Variants in ITK observed in about 807,000 individuals in gnomAD.
ITK encodes the protein tyrosine-protein kinase ITK/TSK.
A neutral mutation model predicts 87.6 loss-of-function variants in ITK; 45 were observed. The observed-to-expected ratio is 0.51, with a 90% confidence interval of 0.40 to 0.66. The LOEUF (loss-of-function observed/expected upper bound fraction) is 0.66, where lower values mean the gene tolerates loss of function less well. Ranked by LOEUF, ITK falls within the 30% of genes least tolerant of loss-of-function variation. The pLI is 0.00. For synonymous variants in ITK, 303 were observed against 273.6 expected (o/e 1.11, Z -1.06); for missense variants, 605 against 766.3 (o/e 0.79, Z 2.48).
At chr5:157,233,173 G>T (rs577700701) in intron 8 of ITK, among the ~76,000 whole-genome samples, 1 of 152,082 alleles carries the variant, frequency 6.6e-6, no homozygotes, top group Admixed American at 6.6e-5. Flanking sequence ...TCTGGGCCTC[G>T]GTTTCTCAGT....
At chr5:157,191,972 T>G (rs1412028096) in intron 1 of ITK, among the ~76,000 whole-genome samples, 2 of 152,204 alleles carry the variant, frequency 1.3e-5, no homozygotes, top group Non-Finnish European at 2.9e-5. Flanking sequence ...TCCAAAGAGA[T>G]TGAAGAAGCA....
At chr5:157,215,095 T>A (rs1754272408) in intron 4 of ITK, among the ~76,000 whole-genome samples, 1 of 152,198 alleles carries the variant, frequency 6.6e-6, no homozygotes, top group Non-Finnish European at 1.5e-5. Context: ...CTTGTTCCTC[T>A]CAACCATCTG....
chr5:157,237,482 C>T (rs71591333), intron 8 of ITK, among the ~76,000 whole-genome samples: 2,509 of 152,280 alleles, frequency 0.016, 30 homozygotes, highest in Non-Finnish European at 0.027. Flanking sequence ...CTCAGCAACA[C>T]GCAATATGTC....
intron 1 of ITK, among the ~76,000 whole-genome samples, chr5:157,201,618 A>G (rs186105151): frequency 1.7e-4 from 26 of 151,878 alleles, no homozygotes; most frequent in Admixed American, 2.6e-4. Context: ...TTAACACTCT[A>G]TTCGACACTG....
chr5:157,182,203 G>A (rs1580869859), intron 1 of ITK, among the ~76,000 whole-genome samples: 1 of 152,140 alleles, frequency 6.6e-6, no homozygotes, highest in African/African-American at 2.4e-5. Flanking sequence ...TTACTGAAGG[G>A]AAAATAATAT....
rs78008605 is a variant in ITK at position 157,229,294 on chromosome 5, T to C, written c.713+933T>C. On this transcript the variant is annotated intron_variant, in intron 7 of 16. Transcript: ENST00000422843. ...GGCATATTTACATAGTCTCAAAGTA[T>C]CTCCTCACAAATCACTTGTAATTAC... is the stretch of plus-strand genomic sequence containing the variant. Among the ~76,000 whole-genome samples the C allele has an allele frequency of 5.8e-4, 89 of 152,210 alleles. 2 individuals are homozygous for C. In the East Asian group the frequency reaches 0.014, roughly 23 times the overall value.
intron 1 of ITK, among the ~76,000 whole-genome samples, chr5:157,196,869 C>A (rs932338759): frequency 6.6e-6 from 1 of 152,134 alleles, no homozygotes; most frequent in African/African-American, 2.4e-5. Context: ...ATTTCTTATT[C>A]TGGGAGGAAG....
intron 1 of ITK, among the ~76,000 whole-genome samples, chr5:157,184,703 T>C (rs1292037664): frequency 1.3e-5 from 2 of 152,198 alleles, no homozygotes; most frequent in Non-Finnish European, 2.9e-5. Flanking sequence ...ACTACCTACT[T>C]CAAGTGATGT....
chr5:157,228,972 CA>C (rs1754592386), intron 7 of ITK, among the ~76,000 whole-genome samples: 1 of 152,140 alleles, frequency 6.6e-6, no homozygotes, highest in African/African-American at 2.4e-5. Flanking sequence ...TTGGCTCTAA[CA>C]GGCTCCATTT....
In ITK at chr5:157,208,976, T is replaced by C. The variant is rs777806304; in HGVS notation, c.226T>C (p.Tyr76His). Residue 76 changes from tyrosine (Y) to histidine (H), a missense_variant, in exon 2 of 17, where the codon TAT becomes CAT. Tyr to His is a moderately conservative substitution (Grantham distance 83, BLOSUM62 2). This residue lies in a region of ITK where 464 missense variants were observed against 578.0 expected (regional missense o/e 0.80). Coordinates refer to ENST00000422843, the MANE Select transcript of ITK (RefSeq NM_005546.4). ...VKSDISIPCH[Y>H]KYPFQVVHDN... Reference sequence around the variant, plus strand: ...AAGTGACATCAGCATCCCATGCCACTATAAATACCCGTTTCAGGTAAGTCC... The same window carrying C: ...AAGTGACATCAGCATCCCATGCCACCATAAATACCCGTTTCAGGTAAGTCC... The C allele has an allele frequency of 1.2e-6, 2 of 1,612,532 alleles. No individual in the cohort carries two copies. Among genetic ancestry groups the C allele is most frequent in the Admixed American group, 3.3e-5 (2 of 60,018 alleles).
intron 15 of ITK, among the ~76,000 whole-genome samples, chr5:157,248,634 G>A (rs972733677): frequency 6.6e-6 from 1 of 152,102 alleles, no homozygotes; most frequent in Non-Finnish European, 1.5e-5. Flanking sequence ...TACAACAAAG[G>A]GTCCATCTTG....
chr5:157,243,586 C>T, intron 11 of ITK, 37 bp from the exon 12 acceptor site: 1 of 1,586,510 alleles, frequency 6.3e-7, no homozygotes, highest in South Asian at 1.1e-5. Context: ...ATATCTACTG[C>T]TTGCTGACCC....
chr5:157,210,699 C>T (rs1226697508), intron 2 of ITK, among the ~76,000 whole-genome samples: 1 of 108,130 alleles, frequency 9.2e-6, no homozygotes, highest in East Asian at 3.5e-4. Flanking sequence ...CCCCCCTCCC[C>T]CCACCCCACC....
At chr5:157,186,183 A>G (rs1753637990) in intron 1 of ITK, among the ~76,000 whole-genome samples, 1 of 152,188 alleles carries the variant, frequency 6.6e-6, no homozygotes, top group African/African-American at 2.4e-5. Flanking sequence ...CCATTGGGTT[A>G]TTACACAGTA....
At position 157,203,804 on chromosome 5, in the gene ITK, T is replaced by TTAGC. The variant is rs1239780560; in HGVS notation, c.139-5084_139-5081dup. On this transcript the variant is annotated intron_variant, in intron 1 of 16. Transcript: ENST00000422843. ...TTTGCGGGAAGACAAACCTCCTAAT[T>TTAGC]TAGCATTAGACTACAAAAGCAAGTT... Among the ~76,000 whole-genome samples the TTAGC allele has an allele frequency of 2.0e-5, 3 of 152,276 alleles. No homozygotes were observed. In the East Asian group the frequency reaches 5.8e-4, roughly 29 times the overall value.
intron 1 of ITK, among the ~76,000 whole-genome samples, chr5:157,197,622 AAATGG>A (rs1753877858): frequency 7.8e-6 from 1 of 128,052 alleles, no homozygotes; most frequent in African/African-American, 2.8e-5. Flanking sequence ...CTTCTTCCAA[AAATGG>A]GATGATGCTC....
intron 1 of ITK, among the ~76,000 whole-genome samples, chr5:157,206,170 G>A (rs1754076402): frequency 6.6e-6 from 1 of 151,800 alleles, no homozygotes; most frequent in Non-Finnish European, 1.5e-5. Context: ...TCCCAGGCTG[G>A]TCTCGAACCC....
intron 12 of ITK, 84 bp downstream of exon 12, chr5:157,243,878 G>A: frequency 2.3e-6 from 3 of 1,285,586 alleles, no homozygotes; most frequent in Non-Finnish European, 2.3e-6. Flanking sequence ...AACGCCAGGG[G>A]GTACTATCTC....
intron 1 of ITK, among the ~76,000 whole-genome samples, chr5:157,192,391 C>T (rs1753769621): frequency 1.3e-5 from 2 of 152,204 alleles, no homozygotes; most frequent in Non-Finnish European, 2.9e-5. Flanking sequence ...ACAGGAGCCA[C>T]TTTTGACTGT....
Sources: gnomAD v4.1 joint callset for allele counts (sites outside exome capture counted in the v4.1 genomes callset) on GRCh38, gnomAD v4.1.1 for gene constraint, gnomAD v4.1.1 regional missense constraint, MANE v1.5 for transcripts, NCBI Gene and HGNC (gene_info 2026-07-23, HGNC 2026-07-21) for gene names.